Variants in B4GALT5 observed in about 807,000 individuals in gnomAD.
B4GALT5 encodes UDP-Gal:beta-GlcNAc beta-1,4-galactosyltransferase 5.
In B4GALT5, 11 loss-of-function variants were observed where a neutral mutation model predicts 45.0. That is an observed-to-expected ratio of 0.24 (90% CI 0.15 to 0.40). The LOEUF (loss-of-function observed/expected upper bound fraction) is 0.40, where lower values mean the gene tolerates loss of function less well. B4GALT5 is among the 10% of genes least tolerant of loss of function. The pLI, the probability that B4GALT5 is intolerant of heterozygous loss-of-function variation, is 1.00. For synonymous variants in B4GALT5, 185 were observed against 182.9 expected (o/e 1.01, Z -0.09); for missense variants, 337 against 500.2 (o/e 0.67, Z 3.11).
At chr20:49,650,479 A>C (rs1050560398) in intron 2 of B4GALT5, among the ~76,000 whole-genome samples, 73 of 138,308 alleles carry the variant, frequency 5.3e-4, no homozygotes, top group African/African-American at 1.6e-3. Context: ...AAAAAAAAAA[A>C]CACAAAAATT....
At chr20:49,646,467 C>T (rs1287668741) in intron 3 of B4GALT5, among the ~76,000 whole-genome samples, 7 of 152,120 alleles carry the variant, frequency 4.6e-5, no homozygotes, top group African/African-American at 1.4e-4. Context: ...TTTAGATACA[C>T]AAATACTTAC....
chr20:49,669,216 A>G (rs755447943), intron 1 of B4GALT5, among the ~76,000 whole-genome samples: 10 of 151,994 alleles, frequency 6.6e-5, no homozygotes, highest in Non-Finnish European at 1.2e-4. Context: ...CCCACCCCCA[A>G]GATTAGAACT....
chr20:49,659,410 G>A (rs2085656286), intron 1 of B4GALT5, among the ~76,000 whole-genome samples: 1 of 152,134 alleles, frequency 6.6e-6, no homozygotes, highest in South Asian at 2.1e-4. Flanking sequence ...CCCTTCTCCA[G>A]TTTCTGTGAT....
At chr20:49,643,796 C>G (rs1046550325) in intron 3 of B4GALT5, 146 bp from the exon 4 acceptor site, 1 of 797,668 alleles carries the variant, frequency 1.3e-6, no homozygotes, top group Non-Finnish European at 1.9e-6. Flanking sequence ...TGCTTTCCAT[C>G]TCACCGTATT....
chr20:49,672,446 T>G (rs1425148759), intron 1 of B4GALT5, among the ~76,000 whole-genome samples: 1 of 152,222 alleles, frequency 6.6e-6, no homozygotes, highest in South Asian at 2.1e-4. Flanking sequence ...AATGAAACCC[T>G]TCCTCTCCTC....
At chr20:49,649,621 T>TA (rs1464491305) in intron 2 of B4GALT5, among the ~76,000 whole-genome samples, 1 of 152,028 alleles carries the variant, frequency 6.6e-6, no homozygotes, top group Non-Finnish European at 1.5e-5. Context: ...GACAGAACCT[T>TA]AAAGATAATA....
At chr20:49,660,777 G>A (rs2085661837) in intron 1 of B4GALT5, among the ~76,000 whole-genome samples, 1 of 152,154 alleles carries the variant, frequency 6.6e-6, no homozygotes, top group South Asian at 2.1e-4. Flanking sequence ...CTTGAGGCCA[G>A]GAGTTCAAGA....
At chr20:49,645,509 G>A (rs150944140) in intron 3 of B4GALT5, among the ~76,000 whole-genome samples, 79 of 152,288 alleles carry the variant, frequency 5.2e-4, no homozygotes, top group African/African-American at 1.6e-3. Context: ...AGCACTTTGA[G>A]AGGCTGAGGT....
intron 1 of B4GALT5, among the ~76,000 whole-genome samples, chr20:49,691,528 A>G (rs2085812071): frequency 6.6e-6 from 1 of 152,148 alleles, no homozygotes; most frequent in Non-Finnish European, 1.5e-5. Context: ...CAAACAAAAA[A>G]AAACCCACAC....
intron 1 of B4GALT5, among the ~76,000 whole-genome samples, chr20:49,683,727 T>C (rs2085773843): frequency 6.6e-6 from 1 of 152,114 alleles, no homozygotes; most frequent in African/African-American, 2.4e-5. Context: ...GTTTAAATTC[T>C]AGTCAGCTGA....
At chr20:49,653,334 G>A (rs1217434913) in intron 2 of B4GALT5, among the ~76,000 whole-genome samples, 1 of 152,200 alleles carries the variant, frequency 6.6e-6, no homozygotes, top group Non-Finnish European at 1.5e-5. Context: ...CGCCAAAGAT[G>A]TGCCAGTGAC....
chr20:49,643,121 G>A (rs1384425079), intron 4 of B4GALT5, among the ~76,000 whole-genome samples: 4 of 152,184 alleles, frequency 2.6e-5, no homozygotes, highest in Admixed American at 6.5e-5. Flanking sequence ...TTCTGACTAT[G>A]GTCAGGCAGA....
intron 1 of B4GALT5, among the ~76,000 whole-genome samples, chr20:49,709,005 G>C (rs953570732): frequency 6.6e-6 from 1 of 151,502 alleles, no homozygotes; most frequent in African/African-American, 2.4e-5. Flanking sequence ...TCTTGAAACC[G>C]ATAACTGTTT....
rs533348260 is a variant in B4GALT5, at chr20:49,639,316, T to A, written c.917+362A>T. ...GTTTTTTAAGATATTAAGATATTTT[T>A]AAATTAAGATTAAAGATATTTTCTA... On this transcript the variant is annotated intron_variant, in intron 7 of 8. Transcript: ENST00000371711. Among the ~76,000 whole-genome samples, 126 of 152,284 alleles carry A rather than the reference T, an allele frequency of 8.3e-4. 2 individuals are homozygous for A. Among genetic ancestry groups the A allele is most frequent in the African/African-American group, 2.9e-3 (120 of 41,558 alleles).
At position 49,699,367 on chromosome 20, in the gene B4GALT5, CAA is replaced by C. The variant is rs11476698; in HGVS notation, c.115+14207_115+14208del. On this transcript the variant is annotated intron_variant, in intron 1 of 8. Coordinates refer to ENST00000371711, the MANE Select transcript of B4GALT5 (RefSeq NM_004776.4). ...AAACCCATCTTGAATCCTAAATGGG[CAA>C]AAAAAAAAAAAAAAAAAAAACCCCA... 8.9e-3 allele frequency among the ~76,000 whole-genome samples: 839 copies of C among 93,834 alleles called. 8 individuals carry two copies. Among genetic ancestry groups the C allele is most frequent in the African/African-American group, 0.029 (682 of 23,668 alleles). The allele number at this position is 93,834 out of a possible 152,430, so 61.6% of individuals were successfully genotyped here. A position where few individuals can be genotyped will look rare whatever the true frequency, so the allele number is the denominator to read the frequency against.
At chr20:49,705,851 C>G (rs887858636) in intron 1 of B4GALT5, among the ~76,000 whole-genome samples, 1 of 151,918 alleles carries the variant, frequency 6.6e-6, no homozygotes, top group African/African-American at 2.4e-5. Flanking sequence ...TTAATATGAG[C>G]ATGAGACCAA....
At chr20:49,657,871 A>G (rs1195117217) in intron 1 of B4GALT5, among the ~76,000 whole-genome samples, 2 of 152,178 alleles carry the variant, frequency 1.3e-5, no homozygotes, top group African/African-American at 4.8e-5. Flanking sequence ...AAGTCACTGT[A>G]TTTCAAGCTA....
At chr20:49,689,455 C>T (rs554995113) in intron 1 of B4GALT5, among the ~76,000 whole-genome samples, 22 of 152,158 alleles carry the variant, frequency 1.4e-4, no homozygotes, top group African/African-American at 5.1e-4. Context: ...ATCTAATCAC[C>T]GATGTGAAAA....
intron 1 of B4GALT5, among the ~76,000 whole-genome samples, chr20:49,657,313 T>C (rs951942732): frequency 3.3e-5 from 5 of 152,292 alleles, no homozygotes; most frequent in Admixed American, 2.0e-4. Context: ...TCCAAAGCAA[T>C]AGGGAAAGAG....
Sources: gnomAD v4.1 joint callset for allele counts (sites outside exome capture counted in the v4.1 genomes callset) on GRCh38, gnomAD v4.1.1 for gene constraint, MANE v1.5 for transcripts, NCBI Gene and HGNC (gene_info 2026-07-23, HGNC 2026-07-21) for gene names.